Variants in TBC1D14 observed in about 807,000 individuals in gnomAD.
TBC1D14 encodes the protein TBC1 domain family member 14.
In TBC1D14, 26 loss-of-function variants were observed where a neutral mutation model predicts 79.0. The observed-to-expected ratio is 0.33, with a 90% confidence interval of 0.24 to 0.46. TBC1D14 has a LOEUF of 0.46. TBC1D14 is among the 20% of genes least tolerant of loss of function. The pLI is 1.00. For missense variants in TBC1D14, 769 were observed against 887.6 expected, an observed-to-expected ratio of 0.87 and a Z score of 1.70; for synonymous variants, 394 against 349.9, an observed-to-expected ratio of 1.13 and a Z score of -1.40.
At chr4:7,013,171 C>T (rs866227347) in intron 11 of TBC1D14, among the ~76,000 whole-genome samples, 6 of 152,188 alleles carry the variant, frequency 3.9e-5, no homozygotes, top group Middle Eastern at 3.2e-3. Context: ...CTGGCAGCCC[C>T]GTTGAACTTA....
intron 2 of TBC1D14, among the ~76,000 whole-genome samples, chr4:6,927,305 G>C (rs1288236788): frequency 6.6e-6 from 1 of 152,096 alleles, no homozygotes; most frequent in East Asian, 1.9e-4. Flanking sequence ...TGGGGAGGGG[G>C]TGGCACCGCA....
rs1360472717 is a variant in TBC1D14 at position 6,921,164 on chromosome 4, A to C, written c.-17-2209A>C. On this transcript the variant is annotated intron_variant, in intron 1 of 13. Coordinates refer to ENST00000409757, the MANE Select transcript of TBC1D14 (RefSeq NM_020773.3). ...TGCTCTCCGGGCTGGTGTGCCACAT[A>C]CCCTCCCTTCCTCATTTGTCTTAGG... Among the ~76,000 whole-genome samples the C allele has an allele frequency of 2.6e-5, 4 of 151,688 alleles. No individual in the cohort carries two copies. In the East Asian group the frequency reaches 7.8e-4, roughly 30 times the overall value.
At chr4:6,921,125 G>A (rs974969077) in intron 1 of TBC1D14, among the ~76,000 whole-genome samples, 1 of 152,196 alleles carries the variant, frequency 6.6e-6, no homozygotes, top group African/African-American at 2.4e-5. Flanking sequence ...AGTGTTCTCA[G>A]TGTGCTGGGG....
Position 6,919,716 on chromosome 4 carries a change from G to C in TBC1D14, c.-17-3657G>C, listed in dbSNP as rs752075670. ...GCTCACTGCAACCTCCGCCTCCTGG[G>C]TTCAAGCGATTCTCCTGCCTCAGCC... On this transcript the variant is annotated intron_variant, in intron 1 of 13. Coordinates refer to ENST00000409757, the MANE Select transcript of TBC1D14 (RefSeq NM_020773.3). Among the ~76,000 whole-genome samples, 11 of 147,276 alleles carry C rather than the reference G, an allele frequency of 7.5e-5. No individual in the cohort carries two copies. In the South Asian group the frequency reaches 1.3e-3, roughly 17 times the overall value.
chr4:6,969,321 A>G (rs1459966642), intron 3 of TBC1D14, among the ~76,000 whole-genome samples: 1 of 152,234 alleles, frequency 6.6e-6, no homozygotes, highest in Middle Eastern at 3.2e-3. Flanking sequence ...AAAAGCAACA[A>G]TTACATTAAA....
chr4:6,952,115 T>C (rs1454691824), intron 2 of TBC1D14, among the ~76,000 whole-genome samples: 1 of 152,122 alleles, frequency 6.6e-6, no homozygotes, highest in African/African-American at 2.4e-5. Context: ...TGGGAACCGA[T>C]GAGAAGTGTT....
At chr4:6,938,436 C>T (rs567479452) in intron 2 of TBC1D14, among the ~76,000 whole-genome samples, 176 of 152,274 alleles carry the variant, frequency 1.2e-3, no homozygotes, top group Non-Finnish European at 2.0e-3. Flanking sequence ...GTCACACGAG[C>T]GTGAGGCGCC....
intron 13 of TBC1D14, among the ~76,000 whole-genome samples, chr4:7,026,198 G>A (rs562188548): frequency 6.6e-6 from 1 of 150,564 alleles, no homozygotes; most frequent in Non-Finnish European, 1.5e-5. Context: ...TACAAAACTA[G>A]AACAGCATAA....
intron 2 of TBC1D14, among the ~76,000 whole-genome samples, chr4:6,961,577 G>T (rs1340300585): frequency 6.6e-6 from 1 of 152,170 alleles, no homozygotes; most frequent in Non-Finnish European, 1.5e-5. Context: ...TGGGCAGAGG[G>T]AGCAGCCTGT....
At chr4:7,013,623 C>T (rs142631173) in intron 11 of TBC1D14, among the ~76,000 whole-genome samples, 21 of 152,316 alleles carry the variant, frequency 1.4e-4, no homozygotes, top group Admixed American at 7.8e-4. Context: ...GTTTCCCCCT[C>T]GTTGCATTCA....
At chr4:7,026,585 C>G (rs771557954) in intron 13 of TBC1D14, among the ~76,000 whole-genome samples, 6 of 152,098 alleles carry the variant, frequency 3.9e-5, no homozygotes, top group Non-Finnish European at 8.8e-5. Context: ...TCTTGCTTGC[C>G]TTTATTTGTC....
chr4:6,944,516 C>T (rs988665104), intron 2 of TBC1D14, among the ~76,000 whole-genome samples: 1 of 152,180 alleles, frequency 6.6e-6, no homozygotes, highest in Non-Finnish European at 1.5e-5. Context: ...CCTGTCCTCC[C>T]TGGGGTGATG....
chr4:6,940,896 C>T (rs1451613606), intron 2 of TBC1D14, among the ~76,000 whole-genome samples: 2 of 152,086 alleles, frequency 1.3e-5, no homozygotes, highest in South Asian at 2.1e-4. Flanking sequence ...CACCGCGTCC[C>T]GGCTTATGGC....
At chr4:6,996,576 G>A (rs1197126427) in intron 5 of TBC1D14, among the ~76,000 whole-genome samples, 169 bp downstream of exon 5, 2 of 151,948 alleles carry the variant, frequency 1.3e-5, no homozygotes, top group Non-Finnish European at 2.9e-5. Flanking sequence ...CCCCACAAGC[G>A]AAAACAGGGC....
intron 12 of TBC1D14, among the ~76,000 whole-genome samples, chr4:7,019,772 C>T (rs1341323537): frequency 9.3e-6 from 1 of 107,680 alleles, no homozygotes; most frequent in Non-Finnish European, 1.9e-5. Context: ...TCAGGGAGGA[C>T]TCTGGGGCAC....
chr4:7,020,726 C>T (rs1183947917), intron 12 of TBC1D14, among the ~76,000 whole-genome samples: 1 of 152,070 alleles, frequency 6.6e-6, no homozygotes, highest in African/African-American at 2.4e-5. Flanking sequence ...CTTTTTGAGA[C>T]GTATTGTCAC....
chr4:6,955,896 T>C (rs1486970804), intron 2 of TBC1D14, among the ~76,000 whole-genome samples: 1 of 152,194 alleles, frequency 6.6e-6, no homozygotes, highest in Non-Finnish European at 1.5e-5. Context: ...CTGTGTTGTT[T>C]AGGTGGACGA....
chr4:7,027,560 A>G (rs941147802), intron 13 of TBC1D14, among the ~76,000 whole-genome samples: 3 of 141,362 alleles, frequency 2.1e-5, no homozygotes, highest in South Asian at 2.4e-4. Flanking sequence ...ACACACCACA[A>G]TCACCCGACA....
intron 1 of TBC1D14, among the ~76,000 whole-genome samples, chr4:6,915,934 G>A (rs1177018189): frequency 6.6e-6 from 1 of 151,284 alleles, no homozygotes; most frequent in Non-Finnish European, 1.5e-5. Flanking sequence ...GGCCAACATG[G>A]TGAAATCCCA....
Sources: allele counts gnomAD v4.1 joint callset (sites outside exome capture counted in the v4.1 genomes callset), GRCh38; gene constraint gnomAD v4.1.1; transcripts MANE v1.5; gene names NCBI Gene and HGNC (gene_info 2026-07-23, HGNC 2026-07-21).